ERLIN1: variants seen among roughly 807,000 people sequenced by gnomAD.
The protein encoded by ERLIN1 is ER lipid raft associated 1, also known as erlin-1.
A neutral mutation model predicts 46.9 loss-of-function variants in ERLIN1; 24 were observed. The ratio of observed to expected loss-of-function variants is 0.51; its 90% CI spans 0.37 to 0.72. ERLIN1 has a LOEUF of 0.72. Ranked by LOEUF, ERLIN1 falls within the 30% of genes least tolerant of loss-of-function variation. The pLI, the probability that ERLIN1 is intolerant of heterozygous loss-of-function variation, is 0.00. For synonymous variants in ERLIN1, 158 were observed against 143.2 expected, an observed-to-expected ratio of 1.10 and a Z score of -0.74; for missense variants, 293 against 417.9, an observed-to-expected ratio of 0.70 and a Z score of 2.61.
intron 10 of ERLIN1, among the ~76,000 whole-genome samples, chr10:100,154,200 T>C (rs917601207): frequency 1.1e-4 from 16 of 152,308 alleles, no homozygotes; most frequent in African/African-American, 3.8e-4. Context: ...ACTAGCCCTG[T>C]ACCGTCTAGC....
intron 4 of ERLIN1, among the ~76,000 whole-genome samples, chr10:100,177,113 C>T (rs1844356073): frequency 6.6e-6 from 1 of 151,992 alleles, no homozygotes; most frequent in Non-Finnish European, 1.5e-5. Flanking sequence ...CAGAACAAGA[C>T]TCCATCTCAA....
chr10:100,167,515 A>G (rs1322790863), intron 6 of ERLIN1, 109 bp from the exon 7 acceptor site: 3 of 811,736 alleles, frequency 3.7e-6, no homozygotes, highest in Non-Finnish European at 6.0e-6. Flanking sequence ...AACAACAGCT[A>G]TAATATAGCG....
intron 9 of ERLIN1, 74 bp from the exon 10 acceptor site, chr10:100,155,013 T>A: frequency 8.3e-7 from 1 of 1,202,196 alleles, no homozygotes; most frequent in Non-Finnish European, 1.2e-6. Flanking sequence ...CACTGCTTAA[T>A]ATTGTGACTG....
At chr10:100,185,232 A>G (rs1001044984) in intron 1 of ERLIN1, among the ~76,000 whole-genome samples, 1 of 152,236 alleles carries the variant, frequency 6.6e-6, no homozygotes, top group African/African-American at 2.4e-5. Context: ...AGGTAGAGTG[A>G]CTACTTCCTT....
intron 9 of ERLIN1, among the ~76,000 whole-genome samples, 162 bp from the exon 10 acceptor site, chr10:100,155,101 G>A (rs1002069687): frequency 3.3e-5 from 5 of 152,164 alleles, no homozygotes; most frequent in African/African-American, 1.2e-4. Flanking sequence ...TTCTCTACGA[G>A]GAATACTCTT....
intron 4 of ERLIN1, among the ~76,000 whole-genome samples, chr10:100,177,741 G>A (rs1221001695): frequency 1.3e-5 from 2 of 152,142 alleles, no homozygotes; most frequent in Non-Finnish European, 2.9e-5. Context: ...AGACTGCTTT[G>A]CAAATTATAG....
intron 2 of ERLIN1, among the ~76,000 whole-genome samples, chr10:100,181,547 C>T (rs1844648490): frequency 7.0e-6 from 1 of 143,228 alleles, no homozygotes; most frequent in Non-Finnish European, 1.5e-5. Flanking sequence ...CGGAGTCTTC[C>T]TCTGTTGCCC....
intron 2 of ERLIN1, among the ~76,000 whole-genome samples, chr10:100,181,269 A>T (rs914454565): frequency 3.3e-5 from 5 of 152,196 alleles, no homozygotes; most frequent in African/African-American, 9.7e-5. Context: ...CTTAAAAATT[A>T]CTTTCCCAGT....
rs1842747711 is a variant in ERLIN1, at chr10:100,150,515, A to C, written c.*1616T>G. On this transcript the variant is annotated 3_prime_UTR_variant, in exon 11 of 11. Transcript: ENST00000421367. ...CTAAAGAACACAAAATTCATTTATA[A>C]AGAGAATTTATAGAATTAAATGAGC... is the stretch of plus-strand genomic sequence containing the variant. The C allele has an allele frequency of 6.6e-6, 1 of 152,656 alleles. No homozygotes were observed. Among genetic ancestry groups the C allele is most frequent in the Admixed American group, 6.5e-5 (1 of 15,290 alleles). The allele number at this position is 152,656 out of a possible 1,614,324, so 9.5% of individuals were successfully genotyped here. A position where few individuals can be genotyped will look rare whatever the true frequency, so the allele number is the denominator to read the frequency against.
At chr10:100,179,517 T>C (rs188114691) in intron 2 of ERLIN1, among the ~76,000 whole-genome samples, 6 of 151,886 alleles carry the variant, frequency 4.0e-5, no homozygotes, top group Admixed American at 1.3e-4. Flanking sequence ...AATGCAGTGG[T>C]GCAATCTTGG....
At chr10:100,164,661 T>C (rs10883451) in intron 7 of ERLIN1, among the ~76,000 whole-genome samples, 50,253 of 152,126 alleles carry the variant, frequency 0.33, 10,195 homozygotes, top group Non-Finnish European at 0.48. Context: ...CAGTGTCTAA[T>C]ACAGGTTGAG....
chr10:100,171,947 C>T (rs1844022996), intron 6 of ERLIN1, among the ~76,000 whole-genome samples: 1 of 152,126 alleles, frequency 6.6e-6, no homozygotes, highest in Non-Finnish European at 1.5e-5. Context: ...AGCTTACCAA[C>T]ACTGCTAATG....
intron 2 of ERLIN1, 132 bp downstream of exon 2, chr10:100,183,624 C>T (rs566617208): frequency 1.6e-5 from 9 of 572,588 alleles, no homozygotes; most frequent in South Asian, 1.5e-4. Flanking sequence ...GTACTCTGAA[C>T]GTTAACTTCT....
In ERLIN1 at chr10:100,155,036, T is replaced by C. The variant is rs892297106; in HGVS notation, c.746-97A>G. ...AATATTGTGACTGCTTATTTCACAT[T>C]GAAAGTTTTAAAAACCTATTAGCAG... On this transcript the variant is annotated intron_variant, in intron 9 of 10. Coordinates refer to ENST00000421367, the MANE Select transcript of ERLIN1 (RefSeq NM_006459.4). 6.7e-6 allele frequency: 7 copies of C among 1,041,810 alleles called. No individual in the cohort carries two copies. The African/African-American group carries it at 9.5e-5, about 14-fold the overall frequency. The allele number at this position is 1,041,810 out of a possible 1,614,324, so 64.5% of individuals were successfully genotyped here.
intron 10 of ERLIN1, among the ~76,000 whole-genome samples, chr10:100,153,632 A>G (rs755099612): frequency 2.6e-5 from 4 of 152,198 alleles, no homozygotes; most frequent in Non-Finnish European, 5.9e-5. Flanking sequence ...AAACACTCCA[A>G]TCAAATCTGG....
At position 100,150,243 on chromosome 10, in the gene ERLIN1, C is replaced by T. The variant is rs1842735182; in HGVS notation, c.*1888G>A. On this transcript the variant is annotated 3_prime_UTR_variant, in exon 11 of 11. Coordinates refer to ENST00000421367, the MANE Select transcript of ERLIN1 (RefSeq NM_006459.4). ...AGAGCTGAGAGGGCACAGGGAGGCA[C>T]ACTCCTCACACATGGGAGTTTAAGC... 8.2e-6 allele frequency: 1 copy of T among 122,108 alleles called. No homozygotes were observed. The highest frequency in any genetic ancestry group is 3.7e-5 in the African/African-American group (1 of 27,106). The allele number at this position is 122,108 out of a possible 1,614,324, so 7.6% of individuals were successfully genotyped here.
chr10:100,164,139 G>C (rs1356169830), intron 7 of ERLIN1, 44 bp from the exon 8 acceptor site: 1 of 1,329,790 alleles, frequency 7.5e-7, no homozygotes, highest in Non-Finnish European at 1.1e-6. Context: ...ATTCTCCTAT[G>C]TGCAGTCACA....
chr10:100,154,662 G>A (rs879200901), intron 10 of ERLIN1, among the ~76,000 whole-genome samples, 198 bp downstream of exon 10: 1 of 152,156 alleles, frequency 6.6e-6, no homozygotes, highest in South Asian at 2.1e-4. Flanking sequence ...ACAAATGAAT[G>A]GAATTACGGC....
At chr10:100,172,297 C>A (rs1176238552) in intron 6 of ERLIN1, among the ~76,000 whole-genome samples, 4 of 152,206 alleles carry the variant, frequency 2.6e-5, no homozygotes, top group Non-Finnish European at 5.9e-5. Flanking sequence ...TTTATATCTA[C>A]AAACATTTGT....
Sources: allele counts gnomAD v4.1 joint callset (sites outside exome capture counted in the v4.1 genomes callset), GRCh38; gene constraint gnomAD v4.1.1; transcripts MANE v1.5; gene names NCBI Gene and HGNC (gene_info 2026-07-23, HGNC 2026-07-21).